Variants in KRAS observed in about 807,000 individuals in gnomAD.
The protein encoded by KRAS is GTPase KRas.
KRAS carries 1 observed loss-of-function variant against 21.0 expected under a neutral mutation model. The ratio of observed to expected loss-of-function variants is 0.05; its 90% CI spans 0.02 to 0.23. The LOEUF (loss-of-function observed/expected upper bound fraction) is 0.23, where lower values mean the gene tolerates loss of function less well. Ranked by LOEUF, KRAS falls within the 10% of genes least tolerant of loss-of-function variation. The probability of loss-of-function intolerance (pLI) is 1.00; values close to 1 mark genes in which losing one functional copy is unlikely to be tolerated. For missense variants in KRAS, 107 were observed against 221.8 expected, an observed-to-expected ratio of 0.48 and a Z score of 3.29; for synonymous variants, 67 against 72.5, an observed-to-expected ratio of 0.92 and a Z score of 0.39.
rs112316293 is a variant in KRAS, at chr12:25,231,249, G to A, written c.112-3837C>T. Among the ~76,000 whole-genome samples the A allele has an allele frequency of 9.5e-3, 1,450 of 151,916 alleles. 13 individuals are homozygous for A. The highest frequency in any genetic ancestry group is 0.017 in the Non-Finnish European group (1,159 of 67,938). On this transcript the variant is annotated intron_variant, in intron 2 of 4. Coordinates refer to ENST00000311936, the MANE Select transcript of KRAS (RefSeq NM_004985.5). Reference sequence around the variant, plus strand: ...CCTGAGTAGCTGGGACTACTGGCACGTGCCACTGTGTCCAGCTAATTTTTG... The same window carrying A: ...CCTGAGTAGCTGGGACTACTGGCACATGCCACTGTGTCCAGCTAATTTTTG...
intron 2 of KRAS, among the ~76,000 whole-genome samples, chr12:25,243,059 T>C (rs774382176): frequency 1.3e-5 from 2 of 152,188 alleles, no homozygotes; most frequent in Non-Finnish European, 2.9e-5. Flanking sequence ...TGCAGTCATA[T>C]CCTTTCTAAT....
chr12:25,235,501 G>A lies in KRAS; in HGVS notation c.112-8089C>T, dbSNP rs142734331. On this transcript the variant is annotated intron_variant, in intron 2 of 4. Transcript: ENST00000311936. ...ATTGAAAATCTAGGTGTCACATTCCGTGTCACACATTATATAGTTTCTGAC... is the reference window on the plus strand; with the variant it reads ...ATTGAAAATCTAGGTGTCACATTCCATGTCACACATTATATAGTTTCTGAC... Among the ~76,000 whole-genome samples the A allele has an allele frequency of 1.4e-3, 216 of 152,220 alleles. 1 individual carries two copies. The highest frequency in any genetic ancestry group is 3.4e-3 in the Middle Eastern group (1 of 294).
chr12:25,214,245 T>G (rs1485308098), intron 4 of KRAS, among the ~76,000 whole-genome samples: 1 of 152,148 alleles, frequency 6.6e-6, no homozygotes, highest in Non-Finnish European at 1.5e-5. Context: ...AACATGGTAT[T>G]TATTTATAGA....
intron 2 of KRAS, among the ~76,000 whole-genome samples, chr12:25,233,443 AT>A (rs1478347207): frequency 6.6e-6 from 1 of 152,132 alleles, no homozygotes; most frequent in Non-Finnish European, 1.5e-5. Flanking sequence ...AGTCCCAGCT[AT>A]TTGGGGAGCT....
At position 25,208,842 on chromosome 12, in the gene KRAS, C is replaced by A. The variant is rs540719750; in HGVS notation, c.*953G>T. On this transcript the variant is annotated 3_prime_UTR_variant, in exon 5 of 5. Transcript: ENST00000311936. The stretch of plus-strand genomic sequence containing the variant: ...CAACACCTAATAAGCTATAACTGGC[C>A]CAAATAATCTTTTAATGTCACAAGC... 4.6e-5 allele frequency: 11 copies of A among 239,180 alleles called. No homozygotes were observed. Among genetic ancestry groups the A allele is most frequent in the African/African-American group, 2.2e-4 (10 of 45,506 alleles). The allele number at this position is 239,180 out of a possible 1,614,324, so 14.8% of individuals were successfully genotyped here.
chr12:25,243,552 T>C (rs2135803765), intron 2 of KRAS, among the ~76,000 whole-genome samples: 1 of 152,342 alleles, frequency 6.6e-6, no homozygotes, highest in African/African-American at 2.4e-5. Flanking sequence ...TAACCCACTT[T>C]ATCACATTCA....
chr12:25,209,612 G>T lies in KRAS; in HGVS notation c.*183C>A. On this transcript the variant is annotated 3_prime_UTR_variant, in exon 5 of 5. Transcript: ENST00000311936. The stretch of plus-strand genomic sequence containing the variant: ...AAAAACCAAAACTCTGGGAATACTG[G>T]CACTTAGAGGAAAAAAAAACTTCCA... 1 of 1,351,454 alleles carries T rather than the reference G, an allele frequency of 7.4e-7. No individual in the cohort carries two copies. Among genetic ancestry groups the T allele is most frequent in the Non-Finnish European group, 9.5e-7 (1 of 1,053,686 alleles). The allele number at this position is 1,351,454 out of a possible 1,614,324, so 83.7% of individuals were successfully genotyped here.
At chr12:25,232,969 G>GT (rs1051334713) in intron 2 of KRAS, among the ~76,000 whole-genome samples, 26 of 151,990 alleles carry the variant, frequency 1.7e-4, no homozygotes, top group East Asian at 3.9e-4. Context: ...AAAATATGTG[G>GT]TTTTTTTTTA....
At chr12:25,239,192 A>G (rs1470114837) in intron 2 of KRAS, among the ~76,000 whole-genome samples, 4 of 152,270 alleles carry the variant, frequency 2.6e-5, no homozygotes, top group East Asian at 3.9e-4. Context: ...CAAGCTATTT[A>G]TATCTTTAGT....
intron 4 of KRAS, among the ~76,000 whole-genome samples, chr12:25,219,085 T>C (rs1026134936): frequency 3.3e-5 from 5 of 152,018 alleles, no homozygotes; most frequent in African/African-American, 1.2e-4. Context: ...ACTACAGGCA[T>C]GCACCACCAC....
chr12:25,215,369 T>C lies in KRAS; in HGVS notation c.451-5458A>G, dbSNP rs1026513248. The C allele has an allele frequency of 7.5e-6, 12 of 1,604,058 alleles. No homozygotes were observed. The East Asian group carries it at 1.3e-4, about 18-fold the overall frequency. On this transcript the variant is annotated intron_variant, in intron 4 of 4. Coordinates refer to ENST00000311936, the MANE Select transcript of KRAS (RefSeq NM_004985.5). ...CTACACCTAAGTAGTTCTAAAGTGG[T>C]TGCCACCTTGTTACCTTTAAAAGAC...
chr12:25,210,579 T>C (rs187021388), intron 4 of KRAS: 1 of 151,980 alleles, frequency 6.6e-6, no homozygotes, highest in East Asian at 1.9e-4. Context: ...AATACCACTT[T>C]AAAAAAAACA....
rs1951166695 is a variant in KRAS, at chr12:25,208,509, A to T, written c.*1286T>A. ...AAACTTTTTCACTTCATTGTTTAAA[A>T]AAAAAATTAATGTCTTGGCACACCA... On this transcript the variant is annotated 3_prime_UTR_variant, in exon 5 of 5. Transcript: ENST00000311936. 1 of 233,274 alleles carries T rather than the reference A, an allele frequency of 4.3e-6. No homozygotes were observed. The highest frequency in any genetic ancestry group is 1.8e-4 in the South Asian group (1 of 5,528). The allele number at this position is 233,274 out of a possible 1,614,324, so 14.5% of individuals were successfully genotyped here.
chr12:25,232,627 A>C (rs183957429), intron 2 of KRAS, among the ~76,000 whole-genome samples: 19 of 152,316 alleles, frequency 1.2e-4, no homozygotes, highest in African/African-American at 4.6e-4. Context: ...TAGGTACATA[A>C]GTTACCAAGG....
rs1354467447 is a variant in KRAS, at chr12:25,206,926, C to A, written c.*2869G>T. On this transcript the variant is annotated 3_prime_UTR_variant, in exon 5 of 5. Coordinates refer to ENST00000311936, the MANE Select transcript of KRAS (RefSeq NM_004985.5). ...TTGTCCTAAAAGAATCACAGTTATG[C>A]CAAATAAAAAAACAATATAATCAAG... 1 of 202,734 alleles carries A rather than the reference C, an allele frequency of 4.9e-6. No homozygotes were observed. Among genetic ancestry groups the A allele is most frequent in the East Asian group, 7.6e-5 (1 of 13,114 alleles). The allele number at this position is 202,734 out of a possible 1,614,324, so 12.6% of individuals were successfully genotyped here.
chr12:25,219,474 T>C (rs1951294760), intron 4 of KRAS, among the ~76,000 whole-genome samples: 1 of 152,260 alleles, frequency 6.6e-6, no homozygotes, highest in Non-Finnish European at 1.5e-5. Context: ...TAAATCTTGC[T>C]AGACTATGCT....
intron 4 of KRAS, among the ~76,000 whole-genome samples, chr12:25,215,959 G>C (rs1246222136): frequency 6.6e-6 from 1 of 152,008 alleles, no homozygotes; most frequent in South Asian, 2.1e-4. Context: ...ATATACTATC[G>C]ATTCCCACAC....
intron 4 of KRAS, among the ~76,000 whole-genome samples, chr12:25,218,311 T>G (rs1301855241): frequency 6.7e-6 from 1 of 150,126 alleles, no homozygotes. Flanking sequence ...CTCTACTAAT[T>G]TAGCAGAAGC....
At position 25,208,917 on chromosome 12, in the gene KRAS, T is replaced by C. The variant is rs1332586587; in HGVS notation, c.*878A>G. 7.5e-6 allele frequency: 2 copies of C among 266,624 alleles called. No individual in the cohort carries two copies. The highest frequency in any genetic ancestry group is 1.1e-4 in the East Asian group (2 of 18,138). 16.5% of individuals were successfully genotyped at this position (266,624 alleles called of 1,614,324 possible). A position where few individuals can be genotyped will look rare whatever the true frequency, so the allele number is the denominator to read the frequency against. ...TCAAGTTGAAGAAAAGATTTAAAGT[T>C]ATACTATGAAAGAGCAGTCTGACAC... is the stretch of plus-strand genomic sequence containing the variant. On this transcript the variant is annotated 3_prime_UTR_variant, in exon 5 of 5. Transcript: ENST00000311936.
Sources: gnomAD v4.1 joint callset for allele counts (sites outside exome capture counted in the v4.1 genomes callset) on GRCh38, gnomAD v4.1.1 for gene constraint, MANE v1.5 for transcripts, NCBI Gene and HGNC (gene_info 2026-07-23, HGNC 2026-07-21) for gene names.